NSUN6: variants seen among roughly 807,000 people sequenced by gnomAD.
NSUN6 encodes the protein NOP2/Sun RNA methyltransferase 6, also known as tRNA (cytosine(72)-C(5))-methyltransferase NSUN6.
In NSUN6, 64 loss-of-function variants were observed where a neutral mutation model predicts 58.0. The ratio of observed to expected loss-of-function variants is 1.10; its 90% confidence interval spans 0.90 to 1.36. NSUN6 has a LOEUF of 1.36. NSUN6 is among the 40% of genes most tolerant of loss of function. The pLI is 0.00. For synonymous variants in NSUN6, 231 were observed against 193.9 expected (o/e 1.19, Z -1.59); for missense variants, 701 against 550.1 (o/e 1.27, Z -2.74).
chr10:18,570,070 C>T (rs1589897265), intron 8 of NSUN6, among the ~76,000 whole-genome samples: 1 of 151,050 alleles, frequency 6.6e-6, no homozygotes, highest in African/African-American at 2.4e-5. Context: ...CATTCCATTC[C>T]ATTCTCCATT....
intron 3 of NSUN6, among the ~76,000 whole-genome samples, chr10:18,618,925 A>G (rs911324861): frequency 2.0e-5 from 3 of 151,500 alleles, no homozygotes; most frequent in African/African-American, 7.3e-5. Context: ...AGGGTCTTTT[A>G]TGTTTTACTC....
chr10:18,624,916 G>A (rs868486584), intron 3 of NSUN6, among the ~76,000 whole-genome samples: 6 of 152,158 alleles, frequency 3.9e-5, no homozygotes, highest in East Asian at 1.9e-4. Context: ...ATGTTTATTC[G>A]GAGCACCTGC....
At position 18,596,474 on chromosome 10, in the gene NSUN6, T is replaced by A. The variant is rs56955601; in HGVS notation, c.658-147A>T. The A allele has an allele frequency of 1.1e-4, 62 of 566,550 alleles. 1 individual carries two copies. In the East Asian group the frequency reaches 1.8e-3, roughly 16 times the overall value. 35.1% of individuals were successfully genotyped at this position (566,550 alleles called of 1,614,324 possible). A position where few individuals can be genotyped will look rare whatever the true frequency, so the allele number is the denominator to read the frequency against. On this transcript the variant is annotated intron_variant, in intron 6 of 10. Transcript: ENST00000377304. ...GACAATTTTTATAAATATACTCAGG[T>A]TAGGAAATTCACAATTTCCTAGAAT... is the stretch of plus-strand genomic sequence containing the variant.
chr10:18,555,456 G>A (rs919504981), intron 8 of NSUN6, among the ~76,000 whole-genome samples: 3 of 151,120 alleles, frequency 2.0e-5, no homozygotes, highest in Admixed American at 6.6e-5. Flanking sequence ...GAGTGGAATA[G>A]AGAATGGGAT....
At chr10:18,629,641 T>C (rs1410965108) in intron 3 of NSUN6, among the ~76,000 whole-genome samples, 1 of 151,036 alleles carries the variant, frequency 6.6e-6, no homozygotes, top group Admixed American at 6.6e-5. Context: ...CCAACAAAGA[T>C]CAAAGGAGAC....
intron 2 of NSUN6, among the ~76,000 whole-genome samples, chr10:18,642,884 G>C (rs1471596874): frequency 6.6e-6 from 1 of 152,080 alleles, no homozygotes; most frequent in East Asian, 1.9e-4. Flanking sequence ...TTTAAGAAAA[G>C]TTTCTGAATA....
chr10:18,592,508 G>A (rs2057414862), intron 7 of NSUN6, among the ~76,000 whole-genome samples: 1 of 152,012 alleles, frequency 6.6e-6, no homozygotes, highest in African/African-American at 2.4e-5. Context: ...GCAATGTACT[G>A]GTAACAAAAC....
chr10:18,610,476 A>T (rs948923906), intron 5 of NSUN6, among the ~76,000 whole-genome samples: 8 of 152,254 alleles, frequency 5.3e-5, no homozygotes, highest in Non-Finnish European at 1.2e-4. Context: ...TAAATTTTTC[A>T]TTTAAGCACA....
At chr10:18,637,366 G>A (rs1590166245) in intron 3 of NSUN6, among the ~76,000 whole-genome samples, 1 of 152,296 alleles carries the variant, frequency 6.6e-6, no homozygotes, top group African/African-American at 2.4e-5. Flanking sequence ...ATTCACTTAT[G>A]TTCTGATGAG....
chr10:18,650,120 T>C (rs907462620), intron 1 of NSUN6, among the ~76,000 whole-genome samples: 1 of 152,174 alleles, frequency 6.6e-6, no homozygotes, highest in Non-Finnish European at 1.5e-5. Flanking sequence ...ACTGAGGACT[T>C]CTGTGGCAGG....
chr10:18,565,025 C>G (rs1418841369), intron 8 of NSUN6, among the ~76,000 whole-genome samples: 1 of 149,688 alleles, frequency 6.7e-6, no homozygotes, highest in Non-Finnish European at 1.5e-5. Context: ...CATTCCATTC[C>G]CCACTCCATT....
chr10:18,630,305 A>C (rs1325612135), intron 3 of NSUN6, among the ~76,000 whole-genome samples: 1 of 150,522 alleles, frequency 6.6e-6, no homozygotes, highest in African/African-American at 2.5e-5. Context: ...GAAAGCAGGA[A>C]AGATCCAAAA....
chr10:18,620,062 T>C (rs866551811), intron 3 of NSUN6, among the ~76,000 whole-genome samples: 7 of 150,934 alleles, frequency 4.6e-5, no homozygotes, highest in Admixed American at 1.3e-4. Context: ...ATTTCTAAAA[T>C]ACACATCTAA....
intron 3 of NSUN6, among the ~76,000 whole-genome samples, chr10:18,638,965 A>AAC (rs1325217292): frequency 6.6e-6 from 1 of 150,906 alleles, no homozygotes; most frequent in African/African-American, 2.4e-5. Context: ...AAAAAAAAAA[A>AAC]AAAAACTGGC....
chr10:18,601,723 C>T (rs1480434016), intron 6 of NSUN6, among the ~76,000 whole-genome samples: 1 of 152,128 alleles, frequency 6.6e-6, no homozygotes. Context: ...TGGCTCATGC[C>T]TGTAATCCCA....
intron 9 of NSUN6, among the ~76,000 whole-genome samples, chr10:18,550,193 A>T (rs1357764344): frequency 6.6e-6 from 1 of 152,228 alleles, no homozygotes; most frequent in Non-Finnish European, 1.5e-5. Context: ...AAGAACAGAA[A>T]TCCAAGTCCT....
At chr10:18,642,961 A>G (rs868710341) in intron 2 of NSUN6, among the ~76,000 whole-genome samples, 26 of 152,132 alleles carry the variant, frequency 1.7e-4, no homozygotes, top group African/African-American at 6.0e-4. Flanking sequence ...ACTGGCATCC[A>G]TGTCAGCTTT....
chr10:18,651,266 T>C lies in NSUN6; in HGVS notation c.-63A>G. On this transcript the variant is annotated 5_prime_UTR_variant, in exon 1 of 11. Transcript: ENST00000377304. ...GGAAAACGGTGTTTTGTTTTTTTTT[T>C]TCTTTCCGAATTAATAGTGACGAGT... is the stretch of plus-strand genomic sequence containing the variant. 4 of 1,505,318 alleles carry C rather than the reference T, an allele frequency of 2.7e-6. No individual in the cohort carries two copies. The highest frequency in any genetic ancestry group is 3.5e-6 in the Non-Finnish European group (4 of 1,133,824). The allele number at this position is 1,505,318 out of a possible 1,614,324, so 93.2% of individuals were successfully genotyped here.
At chr10:18,563,687 C>A (rs1340063468) in intron 8 of NSUN6, among the ~76,000 whole-genome samples, 2 of 150,692 alleles carry the variant, frequency 1.3e-5, no homozygotes, top group East Asian at 2.0e-4. Context: ...TATACCATTC[C>A]ATTCTCTATT....
Sources: gnomAD v4.1 joint callset for allele counts (sites outside exome capture counted in the v4.1 genomes callset) on GRCh38, gnomAD v4.1.1 for gene constraint, MANE v1.5 for transcripts, NCBI Gene and HGNC (gene_info 2026-07-23, HGNC 2026-07-21) for gene names.